Variants in PAFAH1B1 observed in about 807,000 individuals in gnomAD.
PAFAH1B1 encodes the protein platelet-activating factor acetylhydrolase IB subunit beta.
Under a neutral mutation model 57.5 loss-of-function variants are expected in PAFAH1B1, and 2 were observed. That is an observed-to-expected ratio of 0.03 (90% CI 0.01 to 0.11). PAFAH1B1 has a LOEUF of 0.11. PAFAH1B1 is among the 10% of genes least tolerant of loss of function. The pLI is 1.00. For synonymous variants in PAFAH1B1, 152 were observed against 169.6 expected (o/e 0.90, Z 0.81); for missense variants, 257 against 512.0 (o/e 0.50, Z 4.81).
chr17:2,673,088 C>T (rs2069205456), intron 7 of PAFAH1B1, among the ~76,000 whole-genome samples: 1 of 151,974 alleles, frequency 6.6e-6, no homozygotes, highest in Non-Finnish European at 1.5e-5. Flanking sequence ...GAAAAGGCAT[C>T]AGCTTAAAGA....
chr17:2,612,973 G>A (rs1248898742), intron 1 of PAFAH1B1, among the ~76,000 whole-genome samples: 1 of 149,852 alleles, frequency 6.7e-6, no homozygotes, highest in African/African-American at 2.5e-5. Flanking sequence ...ATTTTTAGTG[G>A]TCGAAAAATC....
intron 1 of PAFAH1B1, among the ~76,000 whole-genome samples, chr17:2,620,967 T>C (rs1567531945): frequency 6.6e-6 from 1 of 151,296 alleles, no homozygotes; most frequent in Admixed American, 6.5e-5. Flanking sequence ...AAAAAATAGA[T>C]TTTTTCCTTT....
chr17:2,605,356 A>T (rs1185926494), intron 1 of PAFAH1B1, among the ~76,000 whole-genome samples: 1 of 152,206 alleles, frequency 6.6e-6, no homozygotes, highest in Non-Finnish European at 1.5e-5. Context: ...CAGCCAGATA[A>T]ATGTTCCTGA....
intron 1 of PAFAH1B1, among the ~76,000 whole-genome samples, chr17:2,619,218 C>T (rs2068387616): frequency 6.6e-6 from 1 of 152,006 alleles, no homozygotes; most frequent in Non-Finnish European, 1.5e-5. Context: ...GGCGTAATCA[C>T]CGCAGCTCAC....
At chr17:2,667,259 G>A (rs1160850617) in intron 5 of PAFAH1B1, 61 bp downstream of exon 5, 8 of 1,308,936 alleles carry the variant, frequency 6.1e-6, no homozygotes, top group African/African-American at 1.5e-5. Flanking sequence ...GCATGAACCC[G>A]GGAGGCGGAG....
intron 5 of PAFAH1B1, 126 bp downstream of exon 5, chr17:2,667,324 A>G (rs2069119691): frequency 2.9e-6 from 2 of 692,238 alleles, no homozygotes; most frequent in Admixed American, 4.7e-5. Flanking sequence ...ACAGAGCCAC[A>G]CTCTGTCTCA....
At chr17:2,623,167 C>T (rs541836838) in intron 1 of PAFAH1B1, among the ~76,000 whole-genome samples, 2 of 152,276 alleles carry the variant, frequency 1.3e-5, no homozygotes, top group Non-Finnish European at 2.9e-5. Context: ...GACATTTTCT[C>T]CATAGTCTTG....
chr17:2,633,565 T>C (rs1381425398), intron 1 of PAFAH1B1, among the ~76,000 whole-genome samples: 1 of 152,138 alleles, frequency 6.6e-6, no homozygotes, highest in African/African-American at 2.4e-5. Flanking sequence ...GAAAAACTGC[T>C]TTTCAATATT....
At chr17:2,656,159 C>T (rs1299451517) in intron 2 of PAFAH1B1, among the ~76,000 whole-genome samples, 32 of 152,034 alleles carry the variant, frequency 2.1e-4, no homozygotes, top group Admixed American at 1.9e-3. Flanking sequence ...CTCCTAACCT[C>T]GTGATCTGCC....
At chr17:2,656,500 A>G (rs1719927919) in intron 2 of PAFAH1B1, among the ~76,000 whole-genome samples, 2 of 151,890 alleles carry the variant, frequency 1.3e-5, no homozygotes, top group African/African-American at 2.4e-5. Context: ...TAAATGATTC[A>G]TCAGGTGGCA....
intron 1 of PAFAH1B1, among the ~76,000 whole-genome samples, chr17:2,617,777 A>G (rs897444974): frequency 6.6e-6 from 1 of 152,008 alleles, no homozygotes; most frequent in Non-Finnish European, 1.5e-5. Flanking sequence ...GCATTTAGCC[A>G]GGTGTGGCGG....
At chr17:2,667,287 T>C (rs570304357) in intron 5 of PAFAH1B1, 89 bp downstream of exon 5, 4 of 926,136 alleles carry the variant, frequency 4.3e-6, no homozygotes, top group South Asian at 4.0e-5. Flanking sequence ...TGAGCCGAGA[T>C]TGCACCACTG....
At chr17:2,597,984 CACTT>C (rs2068103003) in intron 1 of PAFAH1B1, among the ~76,000 whole-genome samples, 2 of 152,004 alleles carry the variant, frequency 1.3e-5, no homozygotes, top group Admixed American at 1.3e-4. Context: ...TGGTGGCTCA[CACTT>C]ACACTCCCAG....
intron 2 of PAFAH1B1, among the ~76,000 whole-genome samples, chr17:2,652,022 T>A (rs1308710868): frequency 1.3e-5 from 2 of 152,196 alleles, no homozygotes; most frequent in Non-Finnish European, 2.9e-5. Flanking sequence ...CCCCTCATAT[T>A]TTTACTGTTA....
At position 2,685,108 on chromosome 17, in the gene PAFAH1B1, C is replaced by T. The variant is rs746768894; in HGVS notation, c.*3306C>T. 7.9e-5 allele frequency: 11 copies of T among 138,764 alleles called. No individual in the cohort carries two copies. The highest frequency in any genetic ancestry group is 7.7e-4 in the Admixed American group (9 of 11,748). The allele number at this position is 138,764 out of a possible 1,614,324, so 8.6% of individuals were successfully genotyped here. On this transcript the variant is annotated 3_prime_UTR_variant, in exon 11 of 11. Transcript: ENST00000397195. ...TCATCTAGATGACGCAAAGAATCTC[C>T]TGGTAGAGAAGCGACATGTAAAAAA...
intron 1 of PAFAH1B1, among the ~76,000 whole-genome samples, chr17:2,624,145 A>G (rs1361533925): frequency 6.6e-6 from 1 of 152,138 alleles, no homozygotes. Context: ...GTTCCCAACG[A>G]ACTCCTCATT....
chr17:2,650,633 C>G (rs2068835657), intron 2 of PAFAH1B1, among the ~76,000 whole-genome samples: 2 of 88,458 alleles, frequency 2.3e-5, no homozygotes, highest in African/African-American at 8.5e-5. Flanking sequence ...GAGCAAGACT[C>G]TGTCTCAAAA....
rs1432539964 is a variant in PAFAH1B1 at position 2,649,386 on chromosome 17, A to G, written c.32+11066A>G. ...TAAGGAGTTCAAGACCAGCCTGGCC[A>G]ATATGACGAAACCCCATCTCTACTA... On this transcript the variant is annotated intron_variant, in intron 2 of 10. Coordinates refer to ENST00000397195, the MANE Select transcript of PAFAH1B1 (RefSeq NM_000430.4). Among the ~76,000 whole-genome samples, 3 of 152,016 alleles carry G rather than the reference A, an allele frequency of 2.0e-5. No individual in the cohort carries two copies. The South Asian group carries it at 6.2e-4, about 31-fold the overall frequency.
At position 2,664,663 on chromosome 17, in the gene PAFAH1B1, T is replaced by TCGCG. The variant is rs771469012; in HGVS notation, c.33-706_33-705insGCGC. Among the ~76,000 whole-genome samples, 638 of 108,002 alleles carry TCGCG rather than the reference T, an allele frequency of 5.9e-3. 1 individual carries two copies. Among genetic ancestry groups the TCGCG allele is most frequent in the South Asian group, 0.018 (57 of 3,116 alleles). 70.9% of individuals were successfully genotyped at this position (108,002 alleles called of 152,430 possible). Reference sequence around the variant, plus strand: ...TGTGATATATATCTATATCTATCTATCGCTCTCTCTCTCTCTCTCTCTCTC... The same window carrying TCGCG: ...TGTGATATATATCTATATCTATCTATCGCGCGCTCTCTCTCTCTCTCTCTCTCTC... On this transcript the variant is annotated intron_variant, in intron 2 of 10. Transcript: ENST00000397195.
Sources: allele counts gnomAD v4.1 joint callset (sites outside exome capture counted in the v4.1 genomes callset), GRCh38; gene constraint gnomAD v4.1.1; transcripts MANE v1.5; gene names NCBI Gene and HGNC (gene_info 2026-07-23, HGNC 2026-07-21).